TTC17: variants seen among roughly 807,000 people sequenced by gnomAD.
TTC17 encodes the protein tetratricopeptide repeat protein 17.
A neutral mutation model predicts 143.8 loss-of-function variants in TTC17; 58 were observed. The ratio of observed to expected loss-of-function variants is 0.40; its 90% CI spans 0.33 to 0.50. The LOEUF (loss-of-function observed/expected upper bound fraction) is 0.50, where lower values mean the gene tolerates loss of function less well. Among genes scored for constraint, TTC17 ranks in the 20% least tolerant of loss-of-function variants. The pLI is 0.49. For missense variants in TTC17, 1,273 were observed against 1,392.5 expected, an observed-to-expected ratio of 0.91 and a Z score of 1.37; for synonymous variants, 501 against 497.8, an observed-to-expected ratio of 1.01 and a Z score of -0.09.
intron 18 of TTC17, among the ~76,000 whole-genome samples, chr11:43,444,722 T>TACACACACACACACAC (rs10638143): frequency 1.4e-5 from 2 of 143,554 alleles, no homozygotes; most frequent in African/African-American, 2.6e-5. Flanking sequence ...ACCAAATACA[T>TACACACACACACACAC]ACACACACAC....
intron 21 of TTC17, among the ~76,000 whole-genome samples, chr11:43,477,514 A>G (rs1948207037): frequency 6.6e-6 from 1 of 152,216 alleles, no homozygotes; most frequent in South Asian, 2.1e-4. Context: ...GCAGGAGGCA[A>G]AAGATACTTC....
intron 1 of TTC17, among the ~76,000 whole-genome samples, chr11:43,373,853 T>A (rs1856663192): frequency 6.6e-6 from 1 of 152,252 alleles, no homozygotes; most frequent in Non-Finnish European, 1.5e-5. Flanking sequence ...CTTGCGTCCC[T>A]TCAGTTTATA....
chr11:43,434,309 C>T (rs1328803284), intron 16 of TTC17, among the ~76,000 whole-genome samples: 1 of 151,870 alleles, frequency 6.6e-6, no homozygotes, highest in Non-Finnish European at 1.5e-5. Flanking sequence ...ACAAGTTGTA[C>T]TTTTCACTGC....
chr11:43,409,509 G>A (rs138332851), intron 15 of TTC17, among the ~76,000 whole-genome samples: 1 of 152,178 alleles, frequency 6.6e-6, no homozygotes, highest in East Asian at 1.9e-4. Flanking sequence ...TTTTTTGATT[G>A]TTTACTAGAG....
At chr11:43,410,860 A>G (rs1858378087) in intron 15 of TTC17, among the ~76,000 whole-genome samples, 1 of 152,192 alleles carries the variant, frequency 6.6e-6, no homozygotes, top group Non-Finnish European at 1.5e-5. Context: ...GTTCTCAGGG[A>G]AAATTCAGTC....
At chr11:43,422,317 G>A (rs1339979089) in intron 16 of TTC17, among the ~76,000 whole-genome samples, 1 of 152,162 alleles carries the variant, frequency 6.6e-6, no homozygotes, top group Non-Finnish European at 1.5e-5. Context: ...TTTTGGACAT[G>A]TTAAATTTGA....
intron 9 of TTC17, 149 bp from the exon 10 acceptor site, chr11:43,401,297 G>T: frequency 2.4e-5 from 12 of 496,976 alleles, no homozygotes; most frequent in Admixed American, 7.7e-5. Context: ...AACCATTAAT[G>T]AATATTTCTC....
At chr11:43,422,301 G>C (rs1217784417) in intron 16 of TTC17, among the ~76,000 whole-genome samples, 1 of 152,132 alleles carries the variant, frequency 6.6e-6, no homozygotes, top group Non-Finnish European at 1.5e-5. Context: ...AGAAAAACAA[G>C]TTTGGTTTTG....
intron 21 of TTC17, among the ~76,000 whole-genome samples, chr11:43,458,702 A>T (rs1947808800): frequency 6.6e-6 from 1 of 152,140 alleles, no homozygotes; most frequent in Non-Finnish European, 1.5e-5. Flanking sequence ...CTACTTGTGT[A>T]CAGTAGTTCC....
At chr11:43,476,936 T>C (rs1172245721) in intron 21 of TTC17, among the ~76,000 whole-genome samples, 2 of 152,196 alleles carry the variant, frequency 1.3e-5, no homozygotes, top group African/African-American at 2.4e-5. Context: ...GGCTGCAAAT[T>C]TTCTAAACTT....
chr11:43,436,474 G>T (rs1947295811), intron 16 of TTC17: 2 of 713,898 alleles, frequency 2.8e-6, no homozygotes, highest in East Asian at 6.8e-5. Flanking sequence ...TGACCCCTAG[G>T]TGGTGAGGCA....
intron 16 of TTC17, among the ~76,000 whole-genome samples, chr11:43,418,986 T>C (rs1017464574): frequency 1.3e-5 from 2 of 152,224 alleles, no homozygotes; most frequent in African/African-American, 4.8e-5. Context: ...TTTAATGGTC[T>C]ATATTTATTA....
intron 1 of TTC17, among the ~76,000 whole-genome samples, chr11:43,377,642 A>T (rs1856812562): frequency 6.6e-6 from 1 of 152,172 alleles, no homozygotes; most frequent in African/African-American, 2.4e-5. Context: ...TAATAATTTT[A>T]TCTTTATGCC....
intron 21 of TTC17, among the ~76,000 whole-genome samples, chr11:43,476,435 G>A (rs774303783): frequency 3.9e-5 from 6 of 152,192 alleles, no homozygotes; most frequent in Non-Finnish European, 7.3e-5. Context: ...TGGTGTATTC[G>A]TTCGTTTTCT....
chr11:43,417,443 T>C (rs1231822738), intron 16 of TTC17, among the ~76,000 whole-genome samples: 1 of 152,196 alleles, frequency 6.6e-6, no homozygotes, highest in African/African-American at 2.4e-5. Flanking sequence ...GTATTTATTA[T>C]GACAATATAG....
At chr11:43,383,407 G>A (rs995177517) in intron 2 of TTC17, among the ~76,000 whole-genome samples, 4 of 152,114 alleles carry the variant, frequency 2.6e-5, no homozygotes, top group Admixed American at 6.5e-5. Flanking sequence ...GCTGGGGTGC[G>A]ATGGCGCAAT....
At chr11:43,452,008 A>G (rs1947667133) in intron 21 of TTC17, among the ~76,000 whole-genome samples, 1 of 152,156 alleles carries the variant, frequency 6.6e-6, no homozygotes. Flanking sequence ...CCAGACTTCA[A>G]AAAAAGTAAG....
chr11:43,436,039 G>A lies in TTC17; in HGVS notation c.2252-7286G>A, dbSNP rs1255507859. On this transcript the variant is annotated intron_variant, in intron 16 of 23. Coordinates refer to ENST00000039989, the MANE Select transcript of TTC17 (RefSeq NM_018259.6). ...GGTGCTGCAGCTCACTGATTTTTGT[G>A]TGTTCTGCTGAAGAAAAACCGGCAT... is the stretch of plus-strand genomic sequence containing the variant. 3.8e-6 allele frequency: 3 copies of A among 790,982 alleles called. No homozygotes were observed. In the African/African-American group the frequency reaches 5.4e-5, roughly 14 times the overall value. The allele number at this position is 790,982 out of a possible 1,614,324, so 49.0% of individuals were successfully genotyped here.
chr11:43,451,987 A>T (rs1947666446), intron 21 of TTC17, among the ~76,000 whole-genome samples: 1 of 152,184 alleles, frequency 6.6e-6, no homozygotes, highest in African/African-American at 2.4e-5. Flanking sequence ...ACTAGGGCAA[A>T]CACATGATCC....
Sources: allele counts gnomAD v4.1 joint callset (sites outside exome capture counted in the v4.1 genomes callset), GRCh38; gene constraint gnomAD v4.1.1; transcripts MANE v1.5; gene names NCBI Gene and HGNC (gene_info 2026-07-23, HGNC 2026-07-21).